Variants in OR51C1 observed in about 807,000 individuals in gnomAD.
OR51C1 encodes olfactory receptor family 51 subfamily C member 1, also known as olfactory receptor OR51C1.
the OR51C1 span, chr11:4,692,073 GT>G: frequency 2.5e-6 from 1 of 407,468 alleles, no homozygotes; most frequent in Non-Finnish European, 4.8e-6. Flanking sequence ...TGTTTAAATT[GT>G]GCTAAAGAGG....
the OR51C1 span, chr11:4,691,215 G>C: frequency 2.2e-6 from 1 of 456,828 alleles, no homozygotes; most frequent in Middle Eastern, 3.3e-4. Context: ...TATAAGAAGT[G>C]CTACCATTGG....
At chr11:4,697,485 A>G in the OR51C1 span, among the ~76,000 whole-genome samples, 2 of 152,208 alleles carry the variant, frequency 1.3e-5, no homozygotes, top group Non-Finnish European at 2.9e-5. Context: ...CCCATTCTCT[A>G]CGTATTTCCT....
chr11:4,694,557 C>T, the OR51C1 span, among the ~76,000 whole-genome samples: 1 of 106,768 alleles, frequency 9.4e-6, no homozygotes, highest in Non-Finnish European at 2.1e-5. Context: ...TATATACACA[C>T]ACACATACAT....
chr11:4,690,569 C>T, the OR51C1 span: 3 of 256,668 alleles, frequency 1.2e-5, no homozygotes, highest in Non-Finnish European at 2.3e-5. Context: ...CATGTCTTCA[C>T]CTCCTCATCT....
At chr11:4,691,343 C>T in the OR51C1 span, 1 of 457,648 alleles carries the variant, frequency 2.2e-6, no homozygotes, top group Non-Finnish European at 4.4e-6. Context: ...GATCAAAAGC[C>T]ATGGCCAACA....
the OR51C1 span, among the ~76,000 whole-genome samples, chr11:4,694,531 C>CGT: frequency 2.7e-5 from 4 of 147,160 alleles, no homozygotes; most frequent in Non-Finnish European, 5.9e-5. Context: ...TACACACACA[C>CGT]ATATATACGT....
At chr11:4,693,878 TAG>T in the OR51C1 span, among the ~76,000 whole-genome samples, 5 of 152,144 alleles carry the variant, frequency 3.3e-5, no homozygotes, top group Non-Finnish European at 7.3e-5. Context: ...AAACCCCACT[TAG>T]AGAGTTTATA....
the OR51C1 span, chr11:4,697,662 A>G: frequency 5.9e-5 from 9 of 152,788 alleles, no homozygotes; most frequent in African/African-American, 1.9e-4. Context: ...CAGAGCCCAT[A>G]CAGCAGTTCG....
the OR51C1 span, among the ~76,000 whole-genome samples, chr11:4,694,203 T>G: frequency 6.6e-6 from 1 of 152,182 alleles, no homozygotes; most frequent in Non-Finnish European, 1.5e-5. Flanking sequence ...TTCTTCTTGG[T>G]AGTTTTTTTC....
chr11:4,693,640 G>A, the OR51C1 span, among the ~76,000 whole-genome samples: 2 of 152,094 alleles, frequency 1.3e-5, no homozygotes, highest in Admixed American at 6.5e-5. Context: ...AGAATGGAGT[G>A]AACCTGGAAG....
At chr11:4,695,652 G>A in the OR51C1 span, among the ~76,000 whole-genome samples, 2 of 152,014 alleles carry the variant, frequency 1.3e-5, no homozygotes, top group South Asian at 4.1e-4. Context: ...TTTTCTACAT[G>A]CCAAGTCCAA....
the OR51C1 span, among the ~76,000 whole-genome samples, chr11:4,696,097 T>G: frequency 3.9e-5 from 6 of 152,094 alleles, no homozygotes; most frequent in Non-Finnish European, 5.9e-5. Context: ...CAATCAAACC[T>G]GTAATTTAGA....
the OR51C1 span, among the ~76,000 whole-genome samples, chr11:4,693,670 C>A: frequency 1.3e-5 from 2 of 152,138 alleles, no homozygotes; most frequent in African/African-American, 4.8e-5. Context: ...CCAGGTGAAC[C>A]GAGATGGCGC....
the OR51C1 span, among the ~76,000 whole-genome samples, chr11:4,697,405 A>G: frequency 2.0e-5 from 3 of 152,242 alleles, no homozygotes. Flanking sequence ...TGTGATAAAT[A>G]TATCAGCACA....
At chr11:4,697,275 C>T in the OR51C1 span, among the ~76,000 whole-genome samples, 1 of 152,184 alleles carries the variant, frequency 6.6e-6, no homozygotes, top group African/African-American at 2.4e-5. Flanking sequence ...CCAGTTTCCT[C>T]ATCTATAAGA....
the OR51C1 span, among the ~76,000 whole-genome samples, chr11:4,693,678 C>T: frequency 2.6e-5 from 4 of 152,156 alleles, no homozygotes; most frequent in East Asian, 7.7e-4. Context: ...ACCGAGATGG[C>T]GCCATTGCAC....
the OR51C1 span, chr11:4,692,060 G>A: frequency 2.7e-6 from 1 of 371,626 alleles, no homozygotes; most frequent in Non-Finnish European, 5.3e-6. Context: ...ATTCTTTATG[G>A]CATGTTTAAA....
chr11:4,694,608 G>T, the OR51C1 span, among the ~76,000 whole-genome samples: 1 of 147,464 alleles, frequency 6.8e-6, no homozygotes, highest in Admixed American at 6.8e-5. Context: ...ACATATGCAG[G>T]GAGCTGAGCT....
At chr11:4,693,115 C>T in the OR51C1 span, among the ~76,000 whole-genome samples, 2 of 151,966 alleles carry the variant, frequency 1.3e-5, no homozygotes, top group Non-Finnish European at 1.5e-5. Context: ...ATGTTCACAG[C>T]ACAAAGAAAT....
Sources: allele counts gnomAD v4.1 joint callset (sites outside exome capture counted in the v4.1 genomes callset), GRCh38; gene constraint gnomAD v4.1.1; transcripts MANE v1.5; gene names NCBI Gene and HGNC (gene_info 2026-07-23, HGNC 2026-07-21).